ENTPD5: variants seen among roughly 807,000 people sequenced by gnomAD.
The protein encoded by ENTPD5 is ectonucleoside triphosphate diphosphohydrolase 5 (inactive).
A neutral mutation model predicts 60.2 loss-of-function variants in ENTPD5; 49 were observed. The observed-to-expected ratio is 0.81, with a 90% CI of 0.65 to 1.03. The LOEUF is 1.03. ENTPD5 is among the 50% of genes least tolerant of loss of function. The pLI is 0.00. For missense variants in ENTPD5, 480 were observed against 507.6 expected (o/e 0.95, Z 0.52); for synonymous variants, 187 against 185.4 (o/e 1.01, Z -0.07).
chr14:73,976,440 G>A (rs1767396426), intron 8 of ENTPD5, 28 bp from the exon 9 acceptor site: 1 of 1,583,590 alleles, frequency 6.3e-7, no homozygotes, highest in Non-Finnish European at 8.7e-7. Context: ...GCTCTAAATA[G>A]CCTCGACATC....
intron 5 of ENTPD5, among the ~76,000 whole-genome samples, chr14:73,985,047 A>G (rs1046555480): frequency 1.3e-5 from 2 of 152,122 alleles, no homozygotes; most frequent in African/African-American, 2.4e-5. Context: ...AGCTTCATAC[A>G]TGTCCTTACA....
At chr14:73,958,580 C>A, downstream of ENTPD5, 2 of 1,292,230 alleles carry the variant, frequency 1.5e-6, no homozygotes, top group Non-Finnish European at 2.0e-6. Context: ...GGTCATTGAT[C>A]TCTTGCCTCT....
intron 3 of ENTPD5, among the ~76,000 whole-genome samples, chr14:73,993,005 A>G (rs998086942): frequency 1.3e-5 from 2 of 152,192 alleles, no homozygotes; most frequent in Non-Finnish European, 2.9e-5. Flanking sequence ...TCTATCTCAA[A>G]ATAAATACAT....
chr14:73,974,624 C>T (rs760943598), intron 11 of ENTPD5, among the ~76,000 whole-genome samples: 5 of 152,182 alleles, frequency 3.3e-5, no homozygotes, highest in Admixed American at 6.6e-5. Context: ...CTTGAGCAAG[C>T]TCCTGCTGAA....
chr14:73,967,799 CAAAAAAAAAA>C (rs33926682), intron 15 of ENTPD5, among the ~76,000 whole-genome samples: 77 of 97,826 alleles, frequency 7.9e-4, no homozygotes, highest in East Asian at 3.4e-3. Context: ...GACCCTGTCT[CAAAAAAAAAA>C]AAAAAAAAGA....
At chr14:73,959,240 G>T (rs1177414275), downstream of ENTPD5, 9 of 1,614,184 alleles carry the variant, frequency 5.6e-6, no homozygotes, top group Non-Finnish European at 7.6e-6. Context: ...AGGTCCTTCT[G>T]ACCAGTCCGC....
At chr14:74,000,957 G>A (rs1269715612) in intron 3 of ENTPD5, among the ~76,000 whole-genome samples, 5 of 152,104 alleles carry the variant, frequency 3.3e-5, no homozygotes, top group African/African-American at 1.2e-4. Flanking sequence ...GGAGTGGCAC[G>A]TGACCATAGT....
chr14:73,978,488 C>T (rs1323086870), intron 6 of ENTPD5, among the ~76,000 whole-genome samples: 1 of 152,072 alleles, frequency 6.6e-6, no homozygotes, highest in Non-Finnish European at 1.5e-5. Context: ...GTAATCCCAG[C>T]TACCTGGGAG....
intron 3 of ENTPD5, among the ~76,000 whole-genome samples, chr14:73,991,527 G>T (rs751496582): frequency 7.4e-5 from 11 of 148,538 alleles, no homozygotes; most frequent in Non-Finnish European, 1.3e-4. Flanking sequence ...GGCGGAGGCT[G>T]CAGTGAGTCA....
intron 3 of ENTPD5, among the ~76,000 whole-genome samples, chr14:74,000,365 G>A (rs773688757): frequency 1.3e-5 from 2 of 151,908 alleles, no homozygotes; most frequent in Non-Finnish European, 2.9e-5. Flanking sequence ...GCTGAGGTGG[G>A]AGGATTGCTT....
chr14:73,958,040 C>G, downstream of ENTPD5: 1 of 877,282 alleles, frequency 1.1e-6, no homozygotes, highest in Non-Finnish European at 2.0e-6. Context: ...TCTTAAATGA[C>G]AAGACACTGC....
intron 15 of ENTPD5, among the ~76,000 whole-genome samples, chr14:73,968,203 G>T (rs1272529296): frequency 6.6e-6 from 1 of 152,160 alleles, no homozygotes; most frequent in Non-Finnish European, 1.5e-5. Context: ...AATTAGCTTA[G>T]TGACCTTGGG....
chr14:73,972,792 G>A (rs11623794), intron 13 of ENTPD5, 92 bp downstream of exon 13: 760,685 of 1,453,534 alleles, frequency 0.52, 201,080 homozygotes, highest in South Asian at 0.63. Flanking sequence ...TAATCACCCC[G>A]ACAAAGCACC....
At chr14:73,974,187 C>A (rs2057344082) in intron 11 of ENTPD5, among the ~76,000 whole-genome samples, 1 of 152,130 alleles carries the variant, frequency 6.6e-6, no homozygotes, top group Non-Finnish European at 1.5e-5. Context: ...CCCCTGAAAC[C>A]AGAAGCAAAT....
chr14:74,008,780 C>T (rs1319186579), intron 3 of ENTPD5: 1 of 152,218 alleles, frequency 6.6e-6, no homozygotes. Flanking sequence ...ATCCTCCTGC[C>T]TCAGCCTTCT....
At position 73,964,586 on chromosome 14, in the gene ENTPD5, AT is replaced by A. The variant is rs1005855857; in HGVS notation, c.*2341del. On this transcript the variant is annotated 3_prime_UTR_variant, in exon 16 of 16. Transcript: ENST00000334696. ...AAAGACCAGAGACTTATATCTCTGC[AT>A]TTGTCAAGCTGGAACAGTCTTTAGT... The A allele has an allele frequency of 3.9e-5, 6 of 152,170 alleles. No homozygotes were observed. Among genetic ancestry groups the A allele is most frequent in the Non-Finnish European group, 5.9e-5 (4 of 68,026 alleles). 9.4% of individuals were successfully genotyped at this position (152,170 alleles called of 1,614,324 possible). A position where few individuals can be genotyped will look rare whatever the true frequency, so the allele number is the denominator to read the frequency against.
At chr14:73,983,687 TA>T (rs1474567445) in intron 5 of ENTPD5, among the ~76,000 whole-genome samples, 128 of 113,414 alleles carry the variant, frequency 1.1e-3, no homozygotes, top group Middle Eastern at 4.4e-3. Flanking sequence ...TTATTATTAT[TA>T]TTATTATTTT....
At chr14:73,992,765 G>A (rs2058188194) in intron 3 of ENTPD5, among the ~76,000 whole-genome samples, 2 of 152,014 alleles carry the variant, frequency 1.3e-5, no homozygotes, top group Admixed American at 1.3e-4. Flanking sequence ...CATTTTGGGA[G>A]GCCGAGGCGG....
downstream of ENTPD5, chr14:73,961,303 A>G (rs2056718576): frequency 6.2e-7 from 1 of 1,614,184 alleles, no homozygotes; most frequent in Non-Finnish European, 8.5e-7. Flanking sequence ...GTGGATGCCA[A>G]AAGCCGAGTT....
Sources: gnomAD v4.1 joint callset for allele counts (sites outside exome capture counted in the v4.1 genomes callset) on GRCh38, gnomAD v4.1.1 for gene constraint, MANE v1.5 for transcripts, NCBI Gene and HGNC (gene_info 2026-07-23, HGNC 2026-07-21) for gene names.